Variants in RYK observed in about 807,000 individuals in gnomAD.
RYK encodes the protein receptor like tyrosine kinase, also known as inactive tyrosine-protein kinase RYK.
Under a neutral mutation model 70.2 loss-of-function variants are expected in RYK, and 21 were observed. The ratio of observed to expected loss-of-function variants is 0.30; its 90% CI spans 0.21 to 0.43. RYK has a LOEUF of 0.43. Ranked by LOEUF, RYK falls within the 20% of genes least tolerant of loss-of-function variation. The pLI is 1.00. For missense variants in RYK, 604 were observed against 753.3 expected, an observed-to-expected ratio of 0.80 and a Z score of 2.32; for synonymous variants, 267 against 278.0, an observed-to-expected ratio of 0.96 and a Z score of 0.39.
chr3:134,167,081 A>G (rs6795164), intron 13 of RYK, among the ~76,000 whole-genome samples: 70,586 of 151,912 alleles, frequency 0.46, 17,199 homozygotes, highest in Middle Eastern at 0.64. Flanking sequence ...CTACAACTAT[A>G]AAGGAAACAA....
chr3:134,169,872 A>G (rs963323768), intron 13 of RYK, among the ~76,000 whole-genome samples: 4 of 152,212 alleles, frequency 2.6e-5, no homozygotes, highest in Admixed American at 2.6e-4. Flanking sequence ...CAAAAATAGA[A>G]TATTAAATGT....
intron 13 of RYK, among the ~76,000 whole-genome samples, chr3:134,171,555 A>G (rs776297821): frequency 9.2e-5 from 14 of 152,232 alleles, no homozygotes; most frequent in Non-Finnish European, 1.8e-4. Flanking sequence ...ATACCTACAC[A>G]GAAATAAATA....
intron 13 of RYK, among the ~76,000 whole-genome samples, chr3:134,165,123 G>T (rs2012616203): frequency 6.6e-6 from 1 of 152,124 alleles, no homozygotes. Flanking sequence ...TTTTTTGTCA[G>T]ATTTATTCCT....
At chr3:134,230,952 A>C (rs1263781682) in intron 1 of RYK, among the ~76,000 whole-genome samples, 3 of 152,198 alleles carry the variant, frequency 2.0e-5, no homozygotes, top group African/African-American at 7.2e-5. Context: ...AAAGTTTTAG[A>C]AAAAATTAAT....
intron 13 of RYK, among the ~76,000 whole-genome samples, chr3:134,160,889 A>C (rs2012445923): frequency 6.6e-6 from 1 of 152,192 alleles, no homozygotes; most frequent in South Asian, 2.1e-4. Flanking sequence ...CTGTCATGGA[A>C]AGTTCTATAT....
At position 134,158,165 on chromosome 3, in the gene RYK, C is replaced by T; in HGVS notation, c.1812G>A (p.Gly604=). The change falls in exon 15 of 15, where the codon GGG becomes GGA. Residue 604 remains glycine (G), a synonymous_variant. Transcript: ENST00000623711. ...QCLTEFHAAL[G]AYV is the part of the protein sequence containing the mutation. ...GATTGGAGAGGAGTCAGACGTAGGCCCCCAGGGCTGCATGAAACTCTGTTA... is the reference window on the plus strand; with the variant it reads ...GATTGGAGAGGAGTCAGACGTAGGCTCCCAGGGCTGCATGAAACTCTGTTA... The T allele has an allele frequency of 2.0e-6, 3 of 1,527,288 alleles. No homozygotes were observed. The highest frequency in any genetic ancestry group is 2.7e-6 in the Non-Finnish European group (3 of 1,131,544). The allele number at this position is 1,527,288 out of a possible 1,614,324, so 94.6% of individuals were successfully genotyped here.
intron 1 of RYK, among the ~76,000 whole-genome samples, chr3:134,225,802 A>G (rs2014890760): frequency 6.6e-6 from 1 of 151,996 alleles, no homozygotes; most frequent in Admixed American, 6.6e-5. Flanking sequence ...GGTTACCATG[A>G]GCTATGATCA....
At chr3:134,163,391 A>G (rs185579414) in intron 13 of RYK, among the ~76,000 whole-genome samples, 3 of 152,336 alleles carry the variant, frequency 2.0e-5, no homozygotes, top group East Asian at 1.9e-4. Flanking sequence ...AAAGGGGGCA[A>G]TAAGAAGGTC....
At chr3:134,221,304 A>C (rs2014730354) in intron 2 of RYK, among the ~76,000 whole-genome samples, 1 of 142,370 alleles carries the variant, frequency 7.0e-6, no homozygotes, top group Admixed American at 7.5e-5. Context: ...TCCCGGGTTC[A>C]AGTGATTCTC....
intron 13 of RYK, among the ~76,000 whole-genome samples, chr3:134,171,641 A>G (rs950194191): frequency 6.6e-6 from 1 of 152,156 alleles, no homozygotes; most frequent in Admixed American, 6.6e-5. Context: ...TCAAGGCAGG[A>G]GGATCGCTTG....
intron 2 of RYK, among the ~76,000 whole-genome samples, chr3:134,215,305 G>A (rs2014518535): frequency 6.6e-6 from 1 of 152,192 alleles, no homozygotes; most frequent in Non-Finnish European, 1.5e-5. Flanking sequence ...AGGAAATGAG[G>A]CTGTGAGTGT....
At chr3:134,204,591 C>CCACAGCCACAGCCACACACA (rs58130864) in intron 5 of RYK, among the ~76,000 whole-genome samples, 1 of 140,694 alleles carries the variant, frequency 7.1e-6, no homozygotes, top group Non-Finnish European at 1.5e-5. Flanking sequence ...ACAGCCACAG[C>CCACAGCCACAGCCACACACA]CACACACACA....
chr3:134,175,868 G>T, intron 12 of RYK, 62 bp downstream of exon 12: 1 of 1,553,628 alleles, frequency 6.4e-7, no homozygotes, highest in South Asian at 1.1e-5. Context: ...GTGACTCGCA[G>T]AGAACCCCAA....
intron 2 of RYK, among the ~76,000 whole-genome samples, chr3:134,221,495 G>A (rs1460278768): frequency 1.3e-5 from 2 of 151,838 alleles, no homozygotes; most frequent in African/African-American, 4.8e-5. Flanking sequence ...GAGCTACCAC[G>A]CCAGGCCTAG....
In RYK at chr3:134,158,858, G is replaced by A. The variant is rs565211545; in HGVS notation, c.1712+379C>T. On this transcript the variant is annotated intron_variant, in intron 14 of 14. Transcript: ENST00000623711. ...TGTATTAGCTGATACTAACTGGCAA[G>A]GCAAAATGACAACGAGAGAGGTTTT... Among the ~76,000 whole-genome samples the A allele has an allele frequency of 2.6e-5, 4 of 152,260 alleles. No homozygotes were observed. The South Asian group carries it at 8.3e-4, about 32-fold the overall frequency.
intron 11 of RYK, among the ~76,000 whole-genome samples, chr3:134,177,361 GACA>G (rs759855197): frequency 6.7e-6 from 1 of 148,358 alleles, no homozygotes; most frequent in South Asian, 2.3e-4. Flanking sequence ...AACTTAATGG[GACA>G]ACAAGATACA....
intron 1 of RYK, among the ~76,000 whole-genome samples, chr3:134,231,879 GT>G (rs1244656643): frequency 2.0e-5 from 3 of 152,084 alleles, no homozygotes; most frequent in Non-Finnish European, 2.9e-5. Context: ...TCTGGGACCA[GT>G]TTATACAAGT....
chr3:134,195,521 G>A (rs892133415), intron 6 of RYK, among the ~76,000 whole-genome samples: 35 of 152,322 alleles, frequency 2.3e-4, no homozygotes, highest in African/African-American at 8.2e-4. Flanking sequence ...AAGAGCCCAT[G>A]TCATTCAATT....
chr3:134,188,621 TAA>T lies in RYK; in HGVS notation c.1102+214_1102+215del, dbSNP rs1560008864. 2.4e-4 allele frequency among the ~76,000 whole-genome samples: 37 copies of T among 152,366 alleles called. No homozygotes were observed. The South Asian group carries it at 2.5e-3, about 10-fold the overall frequency. On this transcript the variant is annotated intron_variant, in intron 9 of 14. Transcript: ENST00000623711. Reference sequence around the variant, plus strand: ...AATATCTAAGAAATGTCTTATGTCTTAATTTAACAGACTTCTGTTTTTCTATA... The same window carrying T: ...AATATCTAAGAAATGTCTTATGTCTTTTTAACAGACTTCTGTTTTTCTATA...
Sources: allele counts gnomAD v4.1 joint callset (sites outside exome capture counted in the v4.1 genomes callset), GRCh38; gene constraint gnomAD v4.1.1; transcripts MANE v1.5; gene names NCBI Gene and HGNC (gene_info 2026-07-23, HGNC 2026-07-21).